The following COL19A1 variants were observed in gnomAD, a reference collection of about 807,000 sequenced individuals.
COL19A1 encodes collagen type XIX alpha 1 chain.
COL19A1 carries 159 observed loss-of-function variants against 190.2 expected under a neutral mutation model. The observed-to-expected ratio is 0.84, with a 90% CI of 0.73 to 0.95. The LOEUF (loss-of-function observed/expected upper bound fraction) is 0.95, where lower values mean the gene tolerates loss of function less well. Ranked by LOEUF, COL19A1 falls within the 40% of genes least tolerant of loss-of-function variation. COL19A1 has a pLI of 0.00. For synonymous variants in COL19A1, 509 were observed against 458.9 expected (o/e 1.11, Z -1.39); for missense variants, 1,418 against 1,431.9 (o/e 0.99, Z 0.16).
intron 27 of COL19A1, 115 bp from the exon 28 acceptor site, chr6:70,149,589 T>C (rs1356091889): frequency 3.8e-6 from 5 of 1,329,550 alleles, no homozygotes; most frequent in Non-Finnish European, 5.2e-6. Context: ...GTGTGTACGG[T>C]GGCAAACCCT....
Position 70,172,016 on chromosome 6 carries a change from A to C in COL19A1, c.2621A>C (p.Lys874Thr). ...LPGLEGFPGV[K>T]GDRGPAGPPG... ...GGATTAGAAGGATTTCCAGGTGTAA[A>C]GGTAAGCACAGAAGTTAGAAATGTG... The change falls in exon 41 of 51, where the codon AAG (lysine) becomes ACG (threonine). Residue 874 changes from lysine (K) to threonine (T), a missense_variant and splice_region_variant. By Grantham distance (78) the Lys-to-Thr change is moderately conservative. Transcript: ENST00000620364. The C allele has an allele frequency of 6.2e-7, 1 of 1,610,446 alleles. No individual in the cohort carries two copies. Among genetic ancestry groups the C allele is most frequent in the Non-Finnish European group, 8.5e-7 (1 of 1,178,898 alleles).
intron 10 of COL19A1, among the ~76,000 whole-genome samples, chr6:69,960,303 T>C (rs1774697595): frequency 6.6e-6 from 1 of 152,200 alleles, no homozygotes; most frequent in Admixed American, 6.5e-5. Flanking sequence ...GGGTCCGTGA[T>C]AGCTGCTCTG....
At chr6:69,922,328 T>G (rs1772030999) in intron 4 of COL19A1, among the ~76,000 whole-genome samples, 2 of 151,416 alleles carry the variant, frequency 1.3e-5, no homozygotes, top group South Asian at 4.1e-4. Context: ...GCTAAATTTA[T>G]TTCAATGTAT....
Position 70,000,348 on chromosome 6 carries a change from T to A in COL19A1, c.1027-23279T>A, listed in dbSNP as rs181443467. The stretch of plus-strand genomic sequence containing the variant: ...AAACATACGTGTACATGTGTCTTTA[T>A]AGCAGAATGATTTATATTCCTTTGG... On this transcript the variant is annotated intron_variant, in intron 11 of 50. Transcript: ENST00000620364. Among the ~76,000 whole-genome samples, 602 of 152,360 alleles carry A rather than the reference T, an allele frequency of 4.0e-3. 4 individuals are homozygous for A. The highest frequency in any genetic ancestry group is 0.014 in the African/African-American group (573 of 41,584).
chr6:69,943,012 C>T lies in COL19A1; in HGVS notation c.936+4912C>T, dbSNP rs1460602931. On this transcript the variant is annotated intron_variant, in intron 9 of 50. Coordinates refer to ENST00000620364, the MANE Select transcript of COL19A1 (RefSeq NM_001858.6). ...TAATAGCTATACTAATTTACATTCC[C>T]ACTAAAAGGGTGCAAAAGTTCCCCT... is the stretch of plus-strand genomic sequence containing the variant. Among the ~76,000 whole-genome samples the T allele has an allele frequency of 3.3e-5, 5 of 152,044 alleles. No individual in the cohort carries two copies. The East Asian group carries it at 9.6e-4, about 29-fold the overall frequency.
Position 70,188,575 on chromosome 6 carries a change from C to T in COL19A1, c.3027+330C>T, listed in dbSNP as rs74682972. On this transcript the variant is annotated intron_variant, in intron 47 of 50. Transcript: ENST00000620364. ...CCAGGTCTGGATGGCTTCAAACCCACGCTTTTAACATACAGGTACTGTCTC... is the reference window on the plus strand; with the variant it reads ...CCAGGTCTGGATGGCTTCAAACCCATGCTTTTAACATACAGGTACTGTCTC... Among the ~76,000 whole-genome samples, 1,313 of 152,312 alleles carry T rather than the reference C, an allele frequency of 8.6e-3. 29 individuals are homozygous for T. The highest frequency in any genetic ancestry group is 0.069 in the East Asian group (358 of 5,176).
At chr6:70,206,114 CTTTCA>C (rs1767833397) in intron 49 of COL19A1, among the ~76,000 whole-genome samples, 1 of 152,002 alleles carries the variant, frequency 6.6e-6, no homozygotes, top group Admixed American at 6.6e-5. Context: ...TTATTTGTTC[CTTTCA>C]TTTCCTTTAA....
At chr6:69,986,147 T>C (rs1260631137) in intron 11 of COL19A1, among the ~76,000 whole-genome samples, 4 of 151,048 alleles carry the variant, frequency 2.6e-5, no homozygotes, top group African/African-American at 9.7e-5. Flanking sequence ...TTGTTTTTAG[T>C]TTCAAATAAC....
chr6:69,990,872 A>T (rs1776579540), intron 11 of COL19A1, among the ~76,000 whole-genome samples: 1 of 152,018 alleles, frequency 6.6e-6, no homozygotes, highest in Non-Finnish European at 1.5e-5. Context: ...GATTTATTCA[A>T]TTTTAACTTT....
At chr6:70,144,384 C>G (rs971875641) in intron 24 of COL19A1, 121 bp downstream of exon 24, 1 of 807,554 alleles carries the variant, frequency 1.2e-6, no homozygotes, top group Middle Eastern at 2.4e-4. Flanking sequence ...TGCACATTAA[C>G]TACAATGTAA....
chr6:69,921,720 G>A (rs919881672), intron 4 of COL19A1, among the ~76,000 whole-genome samples: 6 of 140,740 alleles, frequency 4.3e-5, no homozygotes, highest in Admixed American at 2.2e-4. Flanking sequence ...ATGTAGATTC[G>A]TATATATTCG....
intron 16 of COL19A1, among the ~76,000 whole-genome samples, chr6:70,107,608 C>G (rs1410843720): frequency 6.6e-6 from 1 of 152,106 alleles, no homozygotes; most frequent in Non-Finnish European, 1.5e-5. Context: ...GTAATTAAAC[C>G]AACACTTCTT....
chr6:69,901,367 C>A (rs971469374), intron 4 of COL19A1, among the ~76,000 whole-genome samples: 2 of 152,166 alleles, frequency 1.3e-5, no homozygotes, highest in South Asian at 2.1e-4. Context: ...AGAAAAGTTT[C>A]TTTTAAACCT....
chr6:69,895,224 A>G (rs1023700571), intron 2 of COL19A1, among the ~76,000 whole-genome samples: 7 of 151,928 alleles, frequency 4.6e-5, no homozygotes, highest in African/African-American at 1.2e-4. Flanking sequence ...CTGAAAAAGG[A>G]AAAAAAAGGC....
At chr6:70,164,694 A>C (rs1403916873) in intron 36 of COL19A1, among the ~76,000 whole-genome samples, 2 of 152,178 alleles carry the variant, frequency 1.3e-5, no homozygotes, top group African/African-American at 4.8e-5. Flanking sequence ...GCCGGGGGAA[A>C]AAAAAGACTT....
intron 11 of COL19A1, among the ~76,000 whole-genome samples, chr6:69,997,026 T>TATATAGAGAGAGAGAG (rs576813975): frequency 1.4e-5 from 2 of 146,902 alleles, no homozygotes; most frequent in African/African-American, 5.3e-5. Flanking sequence ...TATATATATA[T>TATATAGAGAGAGAGAG]AGAGAGAGAG....
intron 15 of COL19A1, among the ~76,000 whole-genome samples, chr6:70,087,724 G>C (rs1273226650): frequency 6.6e-6 from 1 of 152,140 alleles, no homozygotes; most frequent in Non-Finnish European, 1.5e-5. Context: ...GCCAGCAATG[G>C]TAAGGATCGC....
intron 14 of COL19A1, among the ~76,000 whole-genome samples, chr6:70,037,366 G>T (rs1779408364): frequency 6.6e-6 from 1 of 152,022 alleles, no homozygotes; most frequent in Non-Finnish European, 1.5e-5. Context: ...ATATTGATCA[G>T]GCTGGTCTGG....
chr6:70,063,628 G>T (rs1456722193), intron 14 of COL19A1, among the ~76,000 whole-genome samples: 1 of 152,054 alleles, frequency 6.6e-6, no homozygotes, highest in Non-Finnish European at 1.5e-5. Context: ...AAATAACTAA[G>T]ATCAGAGCAG....
Sources: gnomAD v4.1 joint callset for allele counts (sites outside exome capture counted in the v4.1 genomes callset) on GRCh38, gnomAD v4.1.1 for gene constraint, MANE v1.5 for transcripts, NCBI Gene and HGNC (gene_info 2026-07-23, HGNC 2026-07-21) for gene names.